Variants in PIEZO2 observed in about 807,000 individuals in gnomAD.
PIEZO2 encodes the protein piezo type mechanosensitive ion channel component 2.
PIEZO2 carries 172 observed loss-of-function variants against 337.3 expected under a neutral mutation model. The observed-to-expected ratio is 0.51, with a 90% CI of 0.45 to 0.58. The LOEUF (loss-of-function observed/expected upper bound fraction) is 0.58, where lower values mean the gene tolerates loss of function less well. Ranked by LOEUF, PIEZO2 falls within the 20% of genes least tolerant of loss-of-function variation. PIEZO2 has a pLI of 0.00. For synonymous variants in PIEZO2, 1,251 were observed against 1,228.5 expected (o/e 1.02, Z -0.38); for missense variants, 3,028 against 3,391.3 (o/e 0.89, Z 2.66).
intron 28 of PIEZO2, among the ~76,000 whole-genome samples, chr18:10,751,860 G>A (rs1209547837): frequency 6.6e-6 from 1 of 152,210 alleles, no homozygotes; most frequent in African/African-American, 2.4e-5. Context: ...TGGTGTCGTT[G>A]TGTCCTGATA....
rs1479576166 is a variant in PIEZO2, at chr18:11,035,909, T to C, written c.160+30218A>G. On this transcript the variant is annotated intron_variant, in intron 2 of 55. Coordinates refer to ENST00000674853, the MANE Select transcript of PIEZO2 (RefSeq NM_001378183.1). The surrounding 1 kb of genome is among the most constrained non-coding windows in gnomAD (Gnocchi z 4.3). Reference sequence around the variant, plus strand: ...TTGTCAGAGGAATGAACTCCAAATCTCTGCCACTTCCTATGTTTGCTTGTT... The same window carrying C: ...TTGTCAGAGGAATGAACTCCAAATCCCTGCCACTTCCTATGTTTGCTTGTT... Among the ~76,000 whole-genome samples, 1 of 152,202 alleles carries C rather than the reference T, an allele frequency of 6.6e-6. No individual in the cohort carries two copies. Among genetic ancestry groups the C allele is most frequent in the Admixed American group, 6.5e-5 (1 of 15,282 alleles).
chr18:10,960,933 C>T (rs370685258), intron 3 of PIEZO2, among the ~76,000 whole-genome samples: 8 of 152,254 alleles, frequency 5.3e-5, no homozygotes, highest in Non-Finnish European at 1.2e-4. Context: ...AATCCCAGCA[C>T]TTTGGGAGGC....
At chr18:10,697,601 C>G (rs936985617) in intron 45 of PIEZO2, 147 bp downstream of exon 45, 1 of 1,071,412 alleles carries the variant, frequency 9.3e-7, no homozygotes, top group African/African-American at 1.6e-5. Context: ...AAAAACAAGA[C>G]AAAAAGGGGT....
intron 15 of PIEZO2, among the ~76,000 whole-genome samples, chr18:10,787,602 T>C (rs1031524427): frequency 6.6e-6 from 1 of 152,220 alleles, no homozygotes; most frequent in Non-Finnish European, 1.5e-5. Context: ...ATTGTATGAA[T>C]GAAAATGTGA....
Position 11,132,075 on chromosome 18 carries a change from C to T in PIEZO2, c.64+16450G>A, listed in dbSNP as rs2040355899. Among the ~76,000 whole-genome samples, 1 of 152,154 alleles carries T rather than the reference C, an allele frequency of 6.6e-6. No homozygotes were observed. Among genetic ancestry groups the T allele is most frequent in the Non-Finnish European group, 1.5e-5 (1 of 68,024 alleles). ...TGTCACCTTTCCTCAGGGTGATCAG[C>T]CAGCTACCTGGTGGCTGGTTGATTA... is the stretch of plus-strand genomic sequence containing the variant. On this transcript the variant is annotated intron_variant, in intron 1 of 55. Transcript: ENST00000674853. This position sits in a 1 kb window ranked among gnomAD's most constrained non-coding sequence, Gnocchi z 4.7.
chr18:10,759,804 C>T lies in PIEZO2; in HGVS notation c.3556G>A (p.Ala1186Thr), dbSNP rs976903888. 6 of 1,537,238 alleles carry T rather than the reference C, an allele frequency of 3.9e-6. No individual in the cohort carries two copies. In the African/African-American group the frequency reaches 6.8e-5, roughly 18 times the overall value. Residue 1186 changes from alanine (A) to threonine (T), a missense_variant, in exon 25 of 56, where the codon GCC becomes ACC. By Grantham distance (58) the Ala-to-Thr change is moderately conservative. This residue lies in a region of PIEZO2 where 1,925 missense variants were observed against 2,051.9 expected (regional missense o/e 0.94). Coordinates refer to ENST00000674853, the MANE Select transcript of PIEZO2 (RefSeq NM_001378183.1). The surrounding 1 kb of genome is among the most constrained non-coding windows in gnomAD (Gnocchi z 5.5). ...TACTTGGGCCAGATCTCTGCGATGG[C>T]TTTCCTTCTGCGTCTATATAAGACA... ...IAVLYRRRRK[A>T]IAEIWPKYCC...
At chr18:10,997,013 G>A (rs755785875) in intron 2 of PIEZO2, among the ~76,000 whole-genome samples, 1 of 152,060 alleles carries the variant, frequency 6.6e-6, no homozygotes, top group Non-Finnish European at 1.5e-5. Flanking sequence ...ATCAATAAGA[G>A]TCCCAGTGTT....
Position 10,792,935 on chromosome 18 carries a change from C to G in PIEZO2, c.1759-1611G>C, listed in dbSNP as rs537072778. On this transcript the variant is annotated intron_variant, in intron 13 of 55. Transcript: ENST00000674853. ...CAACTTCTCCATGTCCTCAGTAGCA[C>G]TGGTTATTATCTGCCTTTTTAAAAA... Among the ~76,000 whole-genome samples the G allele has an allele frequency of 2.6e-5, 4 of 152,274 alleles. No individual in the cohort carries two copies. In the South Asian group the frequency reaches 8.3e-4, roughly 32 times the overall value.
chr18:10,718,274 C>A lies in PIEZO2; in HGVS notation c.5030-15G>T, dbSNP rs527248198. The A allele has an allele frequency of 1.7e-4, 267 of 1,533,094 alleles. No individual in the cohort carries two copies. In the African/African-American group the frequency reaches 3.4e-3, roughly 20 times the overall value. 95.0% of individuals were successfully genotyped at this position (1,533,094 alleles called of 1,614,324 possible). A position where few individuals can be genotyped will look rare whatever the true frequency, so the allele number is the denominator to read the frequency against. ...TTCCACAGGACCTGCCAAGTGTGTT[C>A]AATAAAGATGAGTTAAATTCCATCT... On this transcript the variant is annotated splice_polypyrimidine_tract_variant and intron_variant, in intron 36 of 55. Coordinates refer to ENST00000674853, the MANE Select transcript of PIEZO2 (RefSeq NM_001378183.1).
At chr18:10,887,065 C>CTTTTTT (rs143421507) in intron 4 of PIEZO2, among the ~76,000 whole-genome samples, 5 of 91,396 alleles carry the variant, frequency 5.5e-5, no homozygotes, top group Non-Finnish European at 6.0e-5. Flanking sequence ...AGGTGACACA[C>CTTTTTT]TTTTTTTTTT....
chr18:11,004,458 G>A (rs780530800), intron 2 of PIEZO2, among the ~76,000 whole-genome samples: 1 of 152,156 alleles, frequency 6.6e-6, no homozygotes, highest in African/African-American at 2.4e-5. Flanking sequence ...AGCCATGTGG[G>A]AAGAAAAGGT....
In PIEZO2 at chr18:11,102,422, G is replaced by A. The variant is rs1461174176; in HGVS notation, c.65-36200C>T. Among the ~76,000 whole-genome samples the A allele has an allele frequency of 1.3e-5, 2 of 152,172 alleles. No homozygotes were observed. The highest frequency in any genetic ancestry group is 2.9e-5 in the Non-Finnish European group (2 of 68,030). ...CTGTCAGTGGGCAAAACCCTGATCT[G>A]ATTGAAGATCGAATCTCACCCTGTC... is the stretch of plus-strand genomic sequence containing the variant. On this transcript the variant is annotated intron_variant, in intron 1 of 55. Transcript: ENST00000674853. This position sits in a 1 kb window ranked among gnomAD's most constrained non-coding sequence, Gnocchi z 5.7.
intron 1 of PIEZO2, among the ~76,000 whole-genome samples, chr18:11,130,690 G>A (rs1021851821): frequency 1.3e-5 from 2 of 152,146 alleles, no homozygotes; most frequent in Non-Finnish European, 2.9e-5. Context: ...ATTTCTAGGG[G>A]TCCAGTGGTG....
intron 7 of PIEZO2, among the ~76,000 whole-genome samples, chr18:10,836,620 C>A (rs925208823): frequency 6.6e-6 from 1 of 152,182 alleles, no homozygotes; most frequent in Non-Finnish European, 1.5e-5. Flanking sequence ...ACACCATAGG[C>A]CATGTCCTAT....
Position 10,786,980 on chromosome 18 carries a change from A to G in PIEZO2, c.2318+56T>C, listed in dbSNP as rs1598479444. On this transcript the variant is annotated intron_variant, in intron 16 of 55. Coordinates refer to ENST00000674853, the MANE Select transcript of PIEZO2 (RefSeq NM_001378183.1). ...AAAATCTTCCTTAAAGATGCTTTGA[A>G]CAATATGCATTCAAGTCTTCATCTT... is the stretch of plus-strand genomic sequence containing the variant. 6.2e-6 allele frequency: 9 copies of G among 1,443,834 alleles called. No homozygotes were observed. In the African/African-American group the frequency reaches 1.3e-4, roughly 21 times the overall value. The allele number at this position is 1,443,834 out of a possible 1,614,324, so 89.4% of individuals were successfully genotyped here.
rs1451072373 is a variant in PIEZO2, at chr18:10,830,656, G to GA, written c.918-23383dup. On this transcript the variant is annotated intron_variant, in intron 7 of 55. Coordinates refer to ENST00000674853, the MANE Select transcript of PIEZO2 (RefSeq NM_001378183.1). The surrounding 1 kb of genome is among the most constrained non-coding windows in gnomAD (Gnocchi z 4.7). Reference sequence around the variant, plus strand: ...TGGGTAATACCTGAAAAGCACAGACGACCAAAGCAAAAATGAGCAAATGGA... The same window carrying GA: ...TGGGTAATACCTGAAAAGCACAGACGAACCAAAGCAAAAATGAGCAAATGGA... Among the ~76,000 whole-genome samples the GA allele has an allele frequency of 2.0e-5, 3 of 152,084 alleles. No homozygotes were observed. The highest frequency in any genetic ancestry group is 7.2e-5 in the African/African-American group (3 of 41,418).
At chr18:10,844,021 T>C (rs755436780) in intron 7 of PIEZO2, among the ~76,000 whole-genome samples, 9 of 152,232 alleles carry the variant, frequency 5.9e-5, no homozygotes, top group Admixed American at 5.2e-4. Flanking sequence ...CATATTACTA[T>C]GTCGGCTTAC....
intron 2 of PIEZO2, among the ~76,000 whole-genome samples, chr18:11,004,721 C>T (rs770935007): frequency 3.9e-4 from 60 of 152,292 alleles, no homozygotes; most frequent in Middle Eastern, 6.8e-3. Context: ...TCTTGATAAT[C>T]TATTGTTCAA....
chr18:10,761,654 C>G (rs1273825654), intron 23 of PIEZO2, among the ~76,000 whole-genome samples: 1 of 152,094 alleles, frequency 6.6e-6, no homozygotes, highest in African/African-American at 2.4e-5. Context: ...CCATAGGTTC[C>G]AGACACAATT....
Sources: allele counts gnomAD v4.1 joint callset (sites outside exome capture counted in the v4.1 genomes callset), GRCh38; gene constraint gnomAD v4.1.1; regional missense constraint gnomAD v4.1.1; non-coding constraint Gnocchi (gnomAD v3.1); transcripts MANE v1.5; gene names NCBI Gene and HGNC (gene_info 2026-07-23, HGNC 2026-07-21).